Variants in ALX1 observed in about 807,000 individuals in gnomAD.
ALX1 encodes ALX homeobox protein 1.
ALX1 carries 19 observed loss-of-function variants against 31.7 expected under a neutral mutation model. That is an observed-to-expected ratio of 0.60 (90% confidence interval 0.42 to 0.88). ALX1 has a LOEUF of 0.88. ALX1 is among the 40% of genes least tolerant of loss of function. The pLI is 0.00. For synonymous variants in ALX1, 153 were observed against 148.8 expected, an observed-to-expected ratio of 1.03 and a Z score of -0.20; for missense variants, 415 against 407.8, an observed-to-expected ratio of 1.02 and a Z score of -0.15.
At chr12:85,287,071 A>C in intron 3 of ALX1, 90 bp downstream of exon 3, 3 of 1,438,554 alleles carry the variant, frequency 2.1e-6, no homozygotes, top group Non-Finnish European at 2.9e-6. Flanking sequence ...ATTATATGTA[A>C]GATAATAGCC....
At chr12:85,293,820 T>A (rs12821696) in intron 3 of ALX1, among the ~76,000 whole-genome samples, 9,613 of 151,142 alleles carry the variant, frequency 0.064, 418 homozygotes, top group Non-Finnish European at 0.093. Context: ...AGCACAGAAC[T>A]GTTGTTTAAA....
chr12:85,289,354 G>C (rs1264833753), intron 3 of ALX1, among the ~76,000 whole-genome samples: 2 of 151,048 alleles, frequency 1.3e-5, no homozygotes, highest in Non-Finnish European at 3.0e-5. Flanking sequence ...TCTTACCATT[G>C]TGTTATTGTA....
chr12:85,301,616 T>A lies in ALX1; in HGVS notation c.*141T>A. ...CAGTGAGACCAGCTTAAATGAATAG[T>A]TGTTATTTAACATTAAAATCTAAGA... On this transcript the variant is annotated 3_prime_UTR_variant, in exon 4 of 4. Coordinates refer to ENST00000316824, the MANE Select transcript of ALX1 (RefSeq NM_006982.3). The A allele has an allele frequency of 1.2e-6, 1 of 862,276 alleles. No homozygotes were observed. The highest frequency in any genetic ancestry group is 1.8e-6 in the Non-Finnish European group (1 of 559,176). The allele number at this position is 862,276 out of a possible 1,614,324, so 53.4% of individuals were successfully genotyped here. A position where few individuals can be genotyped will look rare whatever the true frequency, so the allele number is the denominator to read the frequency against.
In ALX1 at chr12:85,280,438, C is replaced by G. The variant is rs776338410; in HGVS notation, c.177C>G (p.Ala59=). The G allele has an allele frequency of 9.9e-6, 16 of 1,612,164 alleles. No homozygotes were observed. The highest frequency in any genetic ancestry group is 1.3e-5 in the Non-Finnish European group (15 of 1,180,020). ...CVQAFGPLPR[A]EHHVRLERTS... ...AGGCCTTCGGACCCCTGCCCCGCGCCGAGCATCACGTGCGCTTGGAGAGGA... is the reference window on the plus strand; with the variant it reads ...AGGCCTTCGGACCCCTGCCCCGCGCGGAGCATCACGTGCGCTTGGAGAGGA... The change falls in exon 1 of 4, where the codon GCC becomes GCG. Residue 59 remains alanine, a synonymous_variant. Coordinates refer to ENST00000316824, the MANE Select transcript of ALX1 (RefSeq NM_006982.3).
chr12:85,283,694 G>A lies in ALX1; in HGVS notation c.349G>A (p.Asp117Asn). The A allele has an allele frequency of 6.2e-7, 1 of 1,614,164 alleles. No individual in the cohort carries two copies. The highest frequency in any genetic ancestry group is 2.2e-5 in the East Asian group (1 of 44,880). ...AGGGATGCAAGAGAAGGGAGAGCTG[G>A]ATGAACTTGGGGATAAATGTGATAG... is the stretch of plus-strand genomic sequence containing the variant. ...VKGMQEKGEL[D>N]ELGDKCDSNV... Residue 117 changes from aspartate to asparagine, a missense_variant, in exon 2 of 4, where the codon GAT becomes AAT. By Grantham distance (23) the Asp-to-Asn change is conservative (BLOSUM62 1). Coordinates refer to ENST00000316824, the MANE Select transcript of ALX1 (RefSeq NM_006982.3).
In ALX1 at chr12:85,301,316, C is replaced by T. The variant is rs760260389; in HGVS notation, c.822C>T (p.His274=). 9 of 1,614,046 alleles carry T rather than the reference C, an allele frequency of 5.6e-6. No individual in the cohort carries two copies. Among genetic ancestry groups the T allele is most frequent in the Non-Finnish European group, 2.5e-6 (3 of 1,179,964 alleles). Residue 274 remains histidine, a synonymous_variant, in exon 4 of 4, where the codon CAC becomes CAT. Coordinates refer to ENST00000316824, the MANE Select transcript of ALX1 (RefSeq NM_006982.3). ...GFSNHQNQFS[H]VPLNNFFTDS... ...CAAACCACCAGAACCAGTTCAGCCA[C>T]GTGCCCCTCAACAATTTTTTCACTG...
intron 3 of ALX1, among the ~76,000 whole-genome samples, chr12:85,294,583 A>C (rs1259151953): frequency 3.3e-5 from 5 of 151,170 alleles, no homozygotes; most frequent in Non-Finnish European, 5.9e-5. Flanking sequence ...GACTTGGAGC[A>C]TTTTTCAAAT....
chr12:85,283,507 T>C, intron 1 of ALX1, 65 bp from the exon 2 acceptor site: 1 of 1,516,472 alleles, frequency 6.6e-7, no homozygotes, highest in Non-Finnish European at 9.2e-7. Context: ...TACTTCTACT[T>C]ATTGATTTAA....
chr12:85,294,638 T>C (rs1896863144), intron 3 of ALX1, among the ~76,000 whole-genome samples: 1 of 151,216 alleles, frequency 6.6e-6, no homozygotes, highest in Admixed American at 6.6e-5. Flanking sequence ...TATGATGTTA[T>C]GCTGAAAATT....
At position 85,280,967 on chromosome 12, in the gene ALX1, C is replaced by T. The variant is rs145512041; in HGVS notation, c.226+480C>T. Among the ~76,000 whole-genome samples, 918 of 152,056 alleles carry T rather than the reference C, an allele frequency of 6.0e-3. 7 individuals are homozygous for T. The highest frequency in any genetic ancestry group is 0.021 in the African/African-American group (886 of 41,404). ...GAAAACAAAAACAAAAAACAAAAAA[C>T]CCTTTGAGCTCCTTTAGGTAAAGAT... is the stretch of plus-strand genomic sequence containing the variant. On this transcript the variant is annotated intron_variant, in intron 1 of 3. Transcript: ENST00000316824.
At chr12:85,289,874 G>A (rs1404412641) in intron 3 of ALX1, among the ~76,000 whole-genome samples, 1 of 150,938 alleles carries the variant, frequency 6.6e-6, no homozygotes, top group Non-Finnish European at 1.5e-5. Flanking sequence ...TTTTATCATG[G>A]GGCTTGAAAA....
intron 3 of ALX1, among the ~76,000 whole-genome samples, chr12:85,294,459 T>C (rs1471097586): frequency 2.0e-5 from 3 of 151,194 alleles, no homozygotes; most frequent in Non-Finnish European, 4.4e-5. Context: ...AAAACTTTCA[T>C]TTTAAAGCAA....
chr12:85,301,770 A>G lies in ALX1; in HGVS notation c.*295A>G, dbSNP rs1413853525. The stretch of plus-strand genomic sequence containing the variant: ...TGATCACGCAACTTATTAAAGAATA[A>G]ATGTGTTAAACAAATTCTTCTGTTA... On this transcript the variant is annotated 3_prime_UTR_variant, in exon 4 of 4. Coordinates refer to ENST00000316824, the MANE Select transcript of ALX1 (RefSeq NM_006982.3). 2.6e-6 allele frequency: 1 copy of G among 380,696 alleles called. No individual in the cohort carries two copies. The highest frequency in any genetic ancestry group is 2.1e-5 in the African/African-American group (1 of 48,384). 23.6% of individuals were successfully genotyped at this position (380,696 alleles called of 1,614,324 possible).
At chr12:85,296,546 A>G (rs1896889600) in intron 3 of ALX1, among the ~76,000 whole-genome samples, 1 of 151,690 alleles carries the variant, frequency 6.6e-6, no homozygotes, top group East Asian at 1.9e-4. Context: ...CTGTACTTCC[A>G]TTCATGCTAA....
intron 1 of ALX1, 139 bp from the exon 2 acceptor site, chr12:85,283,433 G>A: frequency 4.7e-6 from 4 of 842,558 alleles, no homozygotes. Flanking sequence ...GTATAGAAAT[G>A]TGGTAATTGA....
chr12:85,288,337 T>G (rs1896775865), intron 3 of ALX1, among the ~76,000 whole-genome samples: 1 of 151,682 alleles, frequency 6.6e-6, no homozygotes, highest in African/African-American at 2.4e-5. Flanking sequence ...AGGAATCTTG[T>G]TTCTCTTTTA....
chr12:85,280,938 A>C (rs908526065), intron 1 of ALX1, among the ~76,000 whole-genome samples: 1 of 151,968 alleles, frequency 6.6e-6, no homozygotes, highest in African/African-American at 2.4e-5. Flanking sequence ...GGAAAAAAAA[A>C]CCGGAAAACA....
intron 3 of ALX1, 89 bp downstream of exon 3, chr12:85,287,070 A>T: frequency 7.1e-7 from 1 of 1,414,514 alleles, no homozygotes; most frequent in Non-Finnish European, 9.8e-7. Flanking sequence ...TATTATATGT[A>T]AGATAATAGC....
chr12:85,280,452 G>T lies in ALX1; in HGVS notation c.191G>T (p.Arg64Leu), dbSNP rs115596276. ...CTGCCCCGCGCCGAGCATCACGTGC[G>T]CTTGGAGAGGACCTCGCCCTGTCAG... ...GPLPRAEHHVRLERTSPCQDS... is the reference protein window; with the variant it reads ...GPLPRAEHHVLLERTSPCQDS... The change falls in exon 1 of 4, where the codon CGC (arginine) becomes CTC (leucine). Residue 64 changes from arginine to leucine, a missense_variant. Arg to Leu is a moderately radical substitution (Grantham distance 102). Around this residue, in one of 3 missense-constraint regions of ALX1, gnomAD observed 235 missense variants for 208.9 expected, o/e 1.13. Transcript: ENST00000316824. 9,940 of 1,611,802 alleles carry T rather than the reference G, an allele frequency of 6.2e-3. 40 individuals are homozygous for T. Among genetic ancestry groups the T allele is most frequent in the Non-Finnish European group, 7.5e-3 (8,857 of 1,180,002 alleles).
Sources: allele counts gnomAD v4.1 joint callset (sites outside exome capture counted in the v4.1 genomes callset), GRCh38; gene constraint gnomAD v4.1.1; regional missense constraint gnomAD v4.1.1; transcripts MANE v1.5; gene names NCBI Gene and HGNC (gene_info 2026-07-23, HGNC 2026-07-21).